The following LDLRAD3 variants were observed in gnomAD, a reference collection of about 807,000 sequenced individuals.
The protein encoded by LDLRAD3 is low-density lipoprotein receptor class A domain-containing protein 3.
A neutral mutation model predicts 29.4 loss-of-function variants in LDLRAD3; 20 were observed. That is an observed-to-expected ratio of 0.68 (90% CI 0.48 to 0.99). The LOEUF is 0.99. LDLRAD3 is among the 50% of genes least tolerant of loss of function. The pLI, the probability that LDLRAD3 is intolerant of heterozygous loss-of-function variation, is 0.00. For synonymous variants in LDLRAD3, 157 were observed against 192.7 expected, an observed-to-expected ratio of 0.81 and a Z score of 1.53; for missense variants, 420 against 454.3, an observed-to-expected ratio of 0.92 and a Z score of 0.69.
At chr11:35,976,068 C>T (rs937046038) in intron 1 of LDLRAD3, among the ~76,000 whole-genome samples, 2 of 151,842 alleles carry the variant, frequency 1.3e-5, no homozygotes, top group Non-Finnish European at 1.5e-5. Flanking sequence ...GGAGGGGTCT[C>T]ATTTTCCTAG....
intron 1 of LDLRAD3, among the ~76,000 whole-genome samples, chr11:35,999,915 T>C (rs1851802013): frequency 1.3e-5 from 2 of 152,194 alleles, no homozygotes; most frequent in Admixed American, 1.3e-4. Context: ...CCTGTGCCCA[T>C]GGAGACATTT....
intron 4 of LDLRAD3, among the ~76,000 whole-genome samples, chr11:36,220,655 G>A (rs1378814827): frequency 1.3e-5 from 2 of 152,168 alleles, no homozygotes; most frequent in Non-Finnish European, 2.9e-5. Context: ...CATACTGTAG[G>A]ATTCCACTTA....
intron 1 of LDLRAD3, among the ~76,000 whole-genome samples, chr11:36,012,073 C>G (rs1851962150): frequency 6.6e-6 from 1 of 152,172 alleles, no homozygotes; most frequent in African/African-American, 2.4e-5. Context: ...TCTAAAGTCT[C>G]TAGGGGTTAG....
chr11:35,967,405 G>A, intron 1 of LDLRAD3: 1 of 272,286 alleles, frequency 3.7e-6, no homozygotes. Context: ...CACTGTTGAT[G>A]GGTAATGTCC....
chr11:36,100,501 G>A (rs1326846669), intron 4 of LDLRAD3, among the ~76,000 whole-genome samples: 4 of 152,194 alleles, frequency 2.6e-5, no homozygotes, highest in South Asian at 2.1e-4. Flanking sequence ...GTGCAGTGGC[G>A]TGATCTTGGC....
At chr11:36,048,710 G>C (rs1852487933) in intron 2 of LDLRAD3, among the ~76,000 whole-genome samples, 1 of 152,082 alleles carries the variant, frequency 6.6e-6, no homozygotes, top group Non-Finnish European at 1.5e-5. Context: ...GTGATAGGGG[G>C]ACTTGGACGG....
intron 1 of LDLRAD3, among the ~76,000 whole-genome samples, chr11:35,958,220 A>G (rs1851229667): frequency 6.6e-6 from 1 of 152,226 alleles, no homozygotes; most frequent in African/African-American, 2.4e-5. Context: ...TCTCAGTCAC[A>G]CCCAGCCTAT....
intron 1 of LDLRAD3, among the ~76,000 whole-genome samples, chr11:35,963,599 C>T (rs1226640588): frequency 6.6e-6 from 1 of 152,182 alleles, no homozygotes; most frequent in Non-Finnish European, 1.5e-5. Flanking sequence ...TTGCGGAAAA[C>T]AGCAGGATGT....
rs919624881 is a variant in LDLRAD3 at position 36,177,776 on chromosome 11, C to T, written c.455-49309C>T. Among the ~76,000 whole-genome samples, 7 of 152,116 alleles carry T rather than the reference C, an allele frequency of 4.6e-5. No individual in the cohort carries two copies. In the East Asian group the frequency reaches 5.8e-4, roughly 13 times the overall value. On this transcript the variant is annotated intron_variant, in intron 4 of 5. Transcript: ENST00000315571. ...TCCTTGGTTGTAATTTTGTATAGTCCGCTGGTTTTCACAAATGCTGCTTGT... is the reference window on the plus strand; with the variant it reads ...TCCTTGGTTGTAATTTTGTATAGTCTGCTGGTTTTCACAAATGCTGCTTGT...
At chr11:36,004,325 A>G (rs1851858545) in intron 1 of LDLRAD3, among the ~76,000 whole-genome samples, 1 of 152,220 alleles carries the variant, frequency 6.6e-6, no homozygotes, top group South Asian at 2.1e-4. Context: ...ATTGGCTGAA[A>G]AAATGGGGCT....
intron 4 of LDLRAD3, among the ~76,000 whole-genome samples, chr11:36,108,313 C>A (rs1294730654): frequency 1.3e-5 from 1 of 74,706 alleles, no homozygotes; most frequent in East Asian, 3.8e-4. Context: ...GAGCGAGACT[C>A]CATCTCAAAA....
chr11:36,229,629 G>GATAC lies in LDLRAD3; in HGVS notation c.*232_*233insATAC. ...TTTTCTGTCAGGTCACTCTTCCCTT[G>GATAC]GGACCCGAGATCACACCCTCATTTT... is the stretch of plus-strand genomic sequence containing the variant. On this transcript the variant is annotated 3_prime_UTR_variant, in exon 6 of 6. Transcript: ENST00000315571. 1.5e-5 allele frequency: 7 copies of GATAC among 479,502 alleles called. No individual in the cohort carries two copies. In the South Asian group the frequency reaches 1.8e-4, roughly 13 times the overall value. The allele number at this position is 479,502 out of a possible 1,614,324, so 29.7% of individuals were successfully genotyped here.
chr11:36,048,475 ACT>A (rs916049896), intron 2 of LDLRAD3, among the ~76,000 whole-genome samples: 28 of 152,060 alleles, frequency 1.8e-4, no homozygotes, highest in African/African-American at 5.5e-4. Flanking sequence ...AAGACCCAAG[ACT>A]CTGGTTGGGA....
rs562386177 is a variant in LDLRAD3, at chr11:36,190,660, G to T, written c.455-36425G>T. ...TCTAGAGAGAAGAGAGAAAAAAAAT[G>T]AGAAATTGAAGAAAATGCTCCCTGA... On this transcript the variant is annotated intron_variant, in intron 4 of 5. Coordinates refer to ENST00000315571, the MANE Select transcript of LDLRAD3 (RefSeq NM_174902.4). Among the ~76,000 whole-genome samples, 4 of 152,176 alleles carry T rather than the reference G, an allele frequency of 2.6e-5. No individual in the cohort carries two copies. The South Asian group carries it at 8.3e-4, about 32-fold the overall frequency.
At chr11:35,984,849 C>T (rs1044405669) in intron 1 of LDLRAD3, among the ~76,000 whole-genome samples, 2 of 151,792 alleles carry the variant, frequency 1.3e-5, no homozygotes, top group East Asian at 3.9e-4. Flanking sequence ...AGGCTGGTCT[C>T]AAACTCCTGA....
chr11:36,056,249 T>C (rs1424403006), intron 2 of LDLRAD3, among the ~76,000 whole-genome samples: 2 of 152,086 alleles, frequency 1.3e-5, no homozygotes. Context: ...CGCCGCGGCC[T>C]CCCAAAGTGC....
intron 4 of LDLRAD3, among the ~76,000 whole-genome samples, chr11:36,206,393 A>T (rs894872935): frequency 6.6e-6 from 1 of 152,224 alleles, no homozygotes; most frequent in Non-Finnish European, 1.5e-5. Context: ...GACAAGTTTA[A>T]TGTTTGCTTT....
At chr11:36,164,342 A>C (rs1431966475) in intron 4 of LDLRAD3, among the ~76,000 whole-genome samples, 1 of 152,264 alleles carries the variant, frequency 6.6e-6, no homozygotes, top group African/African-American at 2.4e-5. Context: ...TCAGCCACTT[A>C]GAACATTTAT....
At chr11:36,153,635 G>C (rs1055197878) in intron 4 of LDLRAD3, among the ~76,000 whole-genome samples, 2 of 152,096 alleles carry the variant, frequency 1.3e-5, no homozygotes, top group Admixed American at 1.3e-4. Flanking sequence ...ATTTTGAATG[G>C]CTAAGTGGAA....
Sources: allele counts gnomAD v4.1 joint callset (sites outside exome capture counted in the v4.1 genomes callset), GRCh38; gene constraint gnomAD v4.1.1; transcripts MANE v1.5; gene names NCBI Gene and HGNC (gene_info 2026-07-23, HGNC 2026-07-21).